Variants in JAK2 observed in about 807,000 individuals in gnomAD.
JAK2 encodes tyrosine-protein kinase JAK2.
JAK2 carries 86 observed loss-of-function variants against 139.3 expected under a neutral mutation model. That is an observed-to-expected ratio of 0.62 (90% CI 0.52 to 0.74). JAK2 has a LOEUF of 0.74. Among genes scored for constraint, JAK2 ranks in the 30% least tolerant of loss-of-function variants. The probability of loss-of-function intolerance (pLI) is 0.00; values close to 1 mark genes in which losing one functional copy is unlikely to be tolerated. For synonymous variants in JAK2, 490 were observed against 437.7 expected (o/e 1.12, Z -1.49); for missense variants, 1,421 against 1,360.3 (o/e 1.04, Z -0.70).
intron 22 of JAK2, among the ~76,000 whole-genome samples, chr9:5,106,523 C>T (rs1242023937): frequency 6.6e-6 from 1 of 152,120 alleles, no homozygotes; most frequent in Non-Finnish European, 1.5e-5. Flanking sequence ...CTAGAAATAC[C>T]ATTTGACCCA....
intron 22 of JAK2, among the ~76,000 whole-genome samples, chr9:5,116,501 C>CA (rs1823186061): frequency 6.6e-6 from 1 of 152,052 alleles, no homozygotes; most frequent in African/African-American, 2.4e-5. Context: ...GCCATATCCC[C>CA]AGTGATACAT....
At chr9:5,120,844 T>C (rs974764887) in intron 22 of JAK2, among the ~76,000 whole-genome samples, 4 of 152,178 alleles carry the variant, frequency 2.6e-5, no homozygotes, top group South Asian at 2.1e-4. Flanking sequence ...AGCAGCTAAA[T>C]AGATTGTGAT....
chr9:5,104,505 T>C (rs903498932), intron 22 of JAK2, among the ~76,000 whole-genome samples: 2 of 152,208 alleles, frequency 1.3e-5, no homozygotes, highest in African/African-American at 4.8e-5. Context: ...ATACCATTCC[T>C]TCTGAAACTA....
chr9:5,105,470 G>A (rs1412541642), intron 22 of JAK2, among the ~76,000 whole-genome samples: 4 of 152,116 alleles, frequency 2.6e-5, no homozygotes, highest in African/African-American at 4.8e-5. Context: ...AATCAATATC[G>A]TGAAAATGGC....
intron 24 of JAK2, 88 bp from the exon 25 acceptor site, chr9:5,126,596 G>A: frequency 1.0e-6 from 1 of 981,608 alleles, no homozygotes; most frequent in Non-Finnish European, 1.6e-6. Flanking sequence ...GTTATGACAT[G>A]TGCCCTGTAT....
chr9:5,101,774 C>T (rs935946523), intron 22 of JAK2, among the ~76,000 whole-genome samples: 1 of 152,178 alleles, frequency 6.6e-6, no homozygotes, highest in Non-Finnish European at 1.5e-5. Flanking sequence ...TGGAGTGGAC[C>T]TCCAGCAAAC....
intron 4 of JAK2, among the ~76,000 whole-genome samples, chr9:5,035,027 T>C (rs1004169165): frequency 6.6e-6 from 1 of 151,916 alleles, no homozygotes; most frequent in African/African-American, 2.4e-5. Flanking sequence ...ATCAAATACA[T>C]GCAATAAAAA....
chr9:5,097,068 C>A (rs1026775722), intron 22 of JAK2: 3 of 152,144 alleles, frequency 2.0e-5, no homozygotes, highest in Admixed American at 2.0e-4. Context: ...TAGCTGAAAA[C>A]CTAACACATG....
At chr9:5,088,873 C>A (rs201721926) in intron 19 of JAK2, among the ~76,000 whole-genome samples, 2 of 152,348 alleles carry the variant, frequency 1.3e-5, no homozygotes, top group South Asian at 4.1e-4. Flanking sequence ...ATCACCTCCT[C>A]ACAAGGCCCT....
At chr9:5,086,548 C>G (rs1276449579) in intron 19 of JAK2, among the ~76,000 whole-genome samples, 1 of 152,150 alleles carries the variant, frequency 6.6e-6, no homozygotes, top group East Asian at 1.9e-4. Context: ...ATTGTTTTCT[C>G]ATCACCTTAC....
intron 22 of JAK2, chr9:5,099,545 G>T (rs917903207): frequency 6.6e-6 from 1 of 151,886 alleles, no homozygotes. Context: ...AAAACACAAG[G>T]CTTCCTGAGA....
chr9:5,040,651 G>A (rs1476305281), intron 4 of JAK2, among the ~76,000 whole-genome samples: 1 of 152,254 alleles, frequency 6.6e-6, no homozygotes, highest in Admixed American at 6.5e-5. Context: ...AGTAGGCAAG[G>A]GACTTGGATA....
At chr9:5,012,812 C>G (rs754914067) in intron 2 of JAK2, among the ~76,000 whole-genome samples, 1 of 152,032 alleles carries the variant, frequency 6.6e-6, no homozygotes, top group Non-Finnish European at 1.5e-5. Context: ...GAGAGGTAAG[C>G]AGCAAACAGA....
At chr9:5,080,906 T>C (rs1372708530) in intron 18 of JAK2, among the ~76,000 whole-genome samples, 1 of 142,032 alleles carries the variant, frequency 7.0e-6, no homozygotes, top group Non-Finnish European at 1.5e-5. Context: ...TTTTTTTTTT[T>C]TTTTTTTGAG....
chr9:5,033,667 A>C (rs1024697290), intron 4 of JAK2, among the ~76,000 whole-genome samples: 2 of 152,176 alleles, frequency 1.3e-5, no homozygotes, highest in Non-Finnish European at 2.9e-5. Flanking sequence ...GAGAAATAAA[A>C]TCCTTTACAG....
At chr9:5,051,942 A>G (rs1287303041) in intron 6 of JAK2, among the ~76,000 whole-genome samples, 1 of 152,058 alleles carries the variant, frequency 6.6e-6, no homozygotes, top group Non-Finnish European at 1.5e-5. Flanking sequence ...GAACTCAGAA[A>G]TCTAGAAGAT....
intron 2 of JAK2, among the ~76,000 whole-genome samples, chr9:4,998,353 T>C (rs929026592): frequency 8.5e-5 from 13 of 152,048 alleles, no homozygotes; most frequent in Non-Finnish European, 2.9e-5. Context: ...GCCTCCCAGA[T>C]TCAAGCAATT....
intron 22 of JAK2, chr9:5,110,748 T>C (rs984949341): frequency 1.1e-5 from 4 of 372,248 alleles, no homozygotes; most frequent in African/African-American, 8.4e-5. Context: ...TTATTTTCTT[T>C]GCTCTGCGGA....
intron 2 of JAK2, among the ~76,000 whole-genome samples, chr9:5,020,482 G>A (rs376765212): frequency 6.6e-6 from 1 of 152,166 alleles, no homozygotes; most frequent in East Asian, 1.9e-4. Context: ...GAATGTTCAG[G>A]TGGGGGCAGC....
Sources: gnomAD v4.1 joint callset for allele counts (sites outside exome capture counted in the v4.1 genomes callset) on GRCh38, gnomAD v4.1.1 for gene constraint, MANE v1.5 for transcripts, NCBI Gene and HGNC (gene_info 2026-07-23, HGNC 2026-07-21) for gene names.